CHRNA7: variants seen among roughly 807,000 people sequenced by gnomAD.
CHRNA7 encodes the protein neuronal acetylcholine receptor subunit alpha-7.
Under a neutral mutation model 48.0 loss-of-function variants are expected in CHRNA7, and 17 were observed. That is an observed-to-expected ratio of 0.35 (90% CI 0.24 to 0.53). CHRNA7 has a LOEUF of 0.53. Among genes scored for constraint, CHRNA7 ranks in the 20% least tolerant of loss-of-function variants. CHRNA7 has a pLI of 0.92. For missense variants in CHRNA7, 155 were observed against 577.7 expected, an observed-to-expected ratio of 0.27 and a Z score of 7.50; for synonymous variants, 75 against 242.3, an observed-to-expected ratio of 0.31 and a Z score of 6.41.
At chr15:32,103,641 C>G (rs1350285634) in intron 3 of CHRNA7, among the ~76,000 whole-genome samples, 1 of 152,122 alleles carries the variant, frequency 6.6e-6, no homozygotes, top group East Asian at 1.9e-4. Context: ...GATCTGTGCT[C>G]TCCTGGAAGG....
intron 2 of CHRNA7, among the ~76,000 whole-genome samples, chr15:32,056,035 G>A (rs941860759): frequency 6.6e-6 from 1 of 151,360 alleles, no homozygotes; most frequent in African/African-American, 2.4e-5. Flanking sequence ...AGGTATCTTA[G>A]ACTCTTTGGC....
At chr15:32,166,514 TA>T (rs1248870054) in intron 9 of CHRNA7, 1 of 152,318 alleles carries the variant, frequency 6.6e-6, no homozygotes, top group Non-Finnish European at 1.5e-5. Context: ...TTGTTGCAGT[TA>T]TCTTTGATAA....
At chr15:32,040,272 TCATATTTGTTA>T (rs2141169458) in intron 2 of CHRNA7, among the ~76,000 whole-genome samples, 1 of 152,240 alleles carries the variant, frequency 6.6e-6, no homozygotes, top group African/African-American at 2.4e-5. Flanking sequence ...TCAATAACTA[TCATATTTGTTA>T]CTGATTTTTT....
chr15:32,136,986 C>T (rs1456182345), intron 4 of CHRNA7, among the ~76,000 whole-genome samples: 6 of 141,950 alleles, frequency 4.2e-5, no homozygotes, highest in Non-Finnish European at 7.5e-5. Context: ...GAGCCGAGAT[C>T]CCGCCACTGC....
At chr15:32,049,851 A>G (rs7168616) in intron 2 of CHRNA7, among the ~76,000 whole-genome samples, 88,615 of 151,636 alleles carry the variant, frequency 0.58, 29,566 homozygotes, top group Non-Finnish European at 0.74. Flanking sequence ...GGTGGTGACA[A>G]AATCTCTCAG....
Position 32,107,551 on chromosome 15 carries a change from A to G in CHRNA7, c.241-4239A>G, listed in dbSNP as rs1315916397. ...ATGGATTCAGAGTTTCAGAACAGGAATTCAGCAACATGAAACTCGGGAAGA... is the reference window on the plus strand; with the variant it reads ...ATGGATTCAGAGTTTCAGAACAGGAGTTCAGCAACATGAAACTCGGGAAGA... On this transcript the variant is annotated intron_variant, in intron 3 of 9. Transcript: ENST00000306901. Among the ~76,000 whole-genome samples the G allele has an allele frequency of 5.3e-5, 8 of 152,204 alleles. No homozygotes were observed. In the East Asian group the frequency reaches 1.2e-3, roughly 22 times the overall value.
chr15:32,077,746 T>G (rs1239461849), intron 2 of CHRNA7, among the ~76,000 whole-genome samples: 2 of 152,138 alleles, frequency 1.3e-5, no homozygotes, highest in African/African-American at 4.8e-5. Flanking sequence ...TGATGAGGGC[T>G]TCAGTCTGCT....
chr15:32,065,311 C>T (rs1026644329), intron 2 of CHRNA7, among the ~76,000 whole-genome samples: 1 of 152,180 alleles, frequency 6.6e-6, no homozygotes, highest in Non-Finnish European at 1.5e-5. Context: ...AGTTAAAGCT[C>T]CTCAGAGTCT....
At position 32,149,269 on chromosome 15, in the gene CHRNA7, G is replaced by GGGAAAC. The variant is rs2051565367; in HGVS notation, c.351-4638_351-4637insGGAAAC. 6.6e-6 allele frequency among the ~76,000 whole-genome samples: 1 copy of GGGAAAC among 152,198 alleles called. No homozygotes were observed. Among genetic ancestry groups the GGGAAAC allele is most frequent in the Admixed American group, 6.5e-5 (1 of 15,284 alleles). On this transcript the variant is annotated intron_variant, in intron 4 of 9. Transcript: ENST00000306901. This position sits in a 1 kb window ranked among gnomAD's most constrained non-coding sequence, Gnocchi z 4.6. ...GTGAGGAGGAGAATGAATCCCTGCA[G>GGGAAAC]CCCTACCCCTGTTTCCACGGTTATG...
chr15:32,125,621 T>A (rs1054781892), intron 4 of CHRNA7, among the ~76,000 whole-genome samples: 1 of 152,190 alleles, frequency 6.6e-6, no homozygotes, highest in Non-Finnish European at 1.5e-5. Flanking sequence ...TGCTTTGGGC[T>A]CCATGTGCAG....
intron 2 of CHRNA7, among the ~76,000 whole-genome samples, chr15:32,047,557 T>A (rs1437381628): frequency 1.3e-5 from 2 of 152,218 alleles, no homozygotes; most frequent in Admixed American, 1.3e-4. Flanking sequence ...CTTATCAGCT[T>A]CAGGAGATTT....
At chr15:32,078,160 C>G (rs1349881369) in intron 2 of CHRNA7, among the ~76,000 whole-genome samples, 1 of 152,122 alleles carries the variant, frequency 6.6e-6, no homozygotes, top group Non-Finnish European at 1.5e-5. Context: ...TACTTTCTCC[C>G]ATTCTGTGAC....
At chr15:32,048,644 A>G (rs2049602317) in intron 2 of CHRNA7, among the ~76,000 whole-genome samples, 1 of 151,550 alleles carries the variant, frequency 6.6e-6, no homozygotes, top group South Asian at 2.1e-4. Flanking sequence ...TAATTTTTTG[A>G]AGGGTTTTTT....
chr15:32,073,881 C>G (rs1371479878), intron 2 of CHRNA7, among the ~76,000 whole-genome samples: 1 of 152,098 alleles, frequency 6.6e-6, no homozygotes. Flanking sequence ...GAACCAGAAA[C>G]CAAATAAATC....
chr15:32,153,081 G>A (rs934879518), intron 4 of CHRNA7, among the ~76,000 whole-genome samples: 2 of 152,106 alleles, frequency 1.3e-5, no homozygotes, highest in Non-Finnish European at 2.9e-5. Context: ...GCCCTCTGGG[G>A]TTGTGGTGTC....
intron 4 of CHRNA7, among the ~76,000 whole-genome samples, chr15:32,135,268 G>C (rs1057195886): frequency 6.6e-6 from 1 of 152,200 alleles, no homozygotes; most frequent in Non-Finnish European, 1.5e-5. Flanking sequence ...CAGAAAACAG[G>C]TAAAGTTATG....
chr15:32,041,795 A>G (rs1395974706), intron 2 of CHRNA7, among the ~76,000 whole-genome samples: 1 of 152,238 alleles, frequency 6.6e-6, no homozygotes, highest in East Asian at 1.9e-4. Flanking sequence ...TAGTAAGCCT[A>G]TCAAATATAT....
chr15:32,043,250 T>A (rs200048165), intron 2 of CHRNA7, among the ~76,000 whole-genome samples: 1 of 152,094 alleles, frequency 6.6e-6, no homozygotes, highest in African/African-American at 2.4e-5. Flanking sequence ...AAAACCATTT[T>A]AAAAATGTGT....
chr15:32,118,205 T>C (rs1038733447), intron 4 of CHRNA7, among the ~76,000 whole-genome samples: 11 of 152,146 alleles, frequency 7.2e-5, no homozygotes, highest in Non-Finnish European at 1.3e-4. Context: ...ACCTTGGCAC[T>C]ACAGAGAGTC....
Sources: gnomAD v4.1 joint callset for allele counts (sites outside exome capture counted in the v4.1 genomes callset) on GRCh38, gnomAD v4.1.1 for gene constraint, Gnocchi (gnomAD v3.1) non-coding constraint, MANE v1.5 for transcripts, NCBI Gene and HGNC (gene_info 2026-07-23, HGNC 2026-07-21) for gene names.